The following KCNIP4 variants were observed in gnomAD, a reference collection of about 807,000 sequenced individuals.
KCNIP4 encodes potassium voltage-gated channel interacting protein 4.
A neutral mutation model predicts 34.0 loss-of-function variants in KCNIP4; 12 were observed. The ratio of observed to expected loss-of-function variants is 0.35; its 90% CI spans 0.23 to 0.57. The LOEUF (loss-of-function observed/expected upper bound fraction) is 0.57, where lower values mean the gene tolerates loss of function less well. KCNIP4 is among the 20% of genes least tolerant of loss of function. The pLI is 0.83. For missense variants in KCNIP4, 238 were observed against 311.7 expected (o/e 0.76, Z 1.78); for synonymous variants, 124 against 102.2 (o/e 1.21, Z -1.29).
At chr4:21,136,697 A>T (rs1751524425) in intron 1 of KCNIP4, among the ~76,000 whole-genome samples, 1 of 152,064 alleles carries the variant, frequency 6.6e-6, no homozygotes. Context: ...GTCCAAGCAA[A>T]CTCATCAAGT....
chr4:21,216,370 T>C (rs1757577787), intron 1 of KCNIP4, among the ~76,000 whole-genome samples: 1 of 152,232 alleles, frequency 6.6e-6, no homozygotes, highest in East Asian at 1.9e-4. Context: ...CGTAGTTTAA[T>C]TCAATATTTC....
intron 3 of KCNIP4, among the ~76,000 whole-genome samples, chr4:20,796,123 G>A (rs760054946): frequency 2.0e-5 from 3 of 152,082 alleles, no homozygotes; most frequent in Non-Finnish European, 2.9e-5. Flanking sequence ...TGTGTCGGAT[G>A]TTTTCTTCTT....
chr4:21,033,100 G>C (rs372174597), intron 1 of KCNIP4, among the ~76,000 whole-genome samples: 1 of 152,028 alleles, frequency 6.6e-6, no homozygotes, highest in Non-Finnish European at 1.5e-5. Context: ...ATGAATGAAT[G>C]AATAAATAAA....
intron 1 of KCNIP4, among the ~76,000 whole-genome samples, chr4:21,309,157 A>C (rs540220633): frequency 1.1e-4 from 17 of 152,292 alleles, no homozygotes; most frequent in Non-Finnish European, 1.6e-4. Flanking sequence ...GCAGGGAACA[A>C]AGGGATTTTG....
chr4:20,864,628 C>T (rs1251890173), intron 2 of KCNIP4, among the ~76,000 whole-genome samples: 2 of 151,998 alleles, frequency 1.3e-5, no homozygotes, highest in Non-Finnish European at 2.9e-5. Context: ...TGATGCCCCA[C>T]TTATCTAGAA....
chr4:20,930,282 G>T (rs1044078990), intron 1 of KCNIP4, among the ~76,000 whole-genome samples: 2 of 152,146 alleles, frequency 1.3e-5, no homozygotes, highest in South Asian at 2.1e-4. Context: ...TTCAATAAAT[G>T]ATTCTGGGAA....
intron 1 of KCNIP4, among the ~76,000 whole-genome samples, chr4:21,428,191 G>A (rs892250625): frequency 6.6e-6 from 1 of 152,106 alleles, no homozygotes; most frequent in East Asian, 1.9e-4. Flanking sequence ...ATTATTACAG[G>A]CATAGTGCTG....
At chr4:21,452,813 T>G (rs1352398000) in intron 1 of KCNIP4, among the ~76,000 whole-genome samples, 1 of 149,302 alleles carries the variant, frequency 6.7e-6, no homozygotes, top group African/African-American at 2.4e-5. Flanking sequence ...AAAAAAGAAG[T>G]CCTTTTTGAA....
intron 1 of KCNIP4, among the ~76,000 whole-genome samples, chr4:21,158,307 C>T (rs192073513): frequency 6.6e-6 from 1 of 152,118 alleles, no homozygotes; most frequent in East Asian, 1.9e-4. Context: ...ATTCTATGAG[C>T]CAGCATTACC....
rs779855024 is a variant in KCNIP4, at chr4:20,749,719, A to G, written c.372T>C (p.Tyr124=). The change falls in exon 5 of 9, where the codon TAT becomes TAC. Residue 124 remains tyrosine (Y), a synonymous_variant. Coordinates refer to ENST00000382152, the MANE Select transcript of KCNIP4 (RefSeq NM_025221.6). ...CAAATGCATTGAACAGAAAATGTGC[A>G]TATGTTGTAGAGTCTGAAATGGTAA... ...QFFPQGDSTT[Y]AHFLFNAFDT... is the part of the protein sequence containing the mutation. 12 of 1,608,282 alleles carry G rather than the reference A, an allele frequency of 7.5e-6. No individual in the cohort carries two copies. In the Admixed American group the frequency reaches 1.2e-4, roughly 16 times the overall value.
intron 1 of KCNIP4, among the ~76,000 whole-genome samples, chr4:21,862,400 A>G (rs934013746): frequency 1.3e-5 from 2 of 152,204 alleles, no homozygotes; most frequent in African/African-American, 4.8e-5. Flanking sequence ...TCTCTGTTCT[A>G]AGGGAGCTTA....
chr4:21,629,642 C>A (rs1353455449), intron 1 of KCNIP4, among the ~76,000 whole-genome samples: 5 of 152,110 alleles, frequency 3.3e-5, no homozygotes, highest in Non-Finnish European at 7.4e-5. Flanking sequence ...ATGTCACCAT[C>A]ACGAAGCTAA....
At chr4:21,151,629 A>T (rs1233670527) in intron 1 of KCNIP4, among the ~76,000 whole-genome samples, 1 of 151,874 alleles carries the variant, frequency 6.6e-6, no homozygotes, top group African/African-American at 2.4e-5. Context: ...TCTAAAACAA[A>T]TTATCTCCCA....
intron 1 of KCNIP4, among the ~76,000 whole-genome samples, chr4:21,129,106 G>A (rs1355991559): frequency 3.9e-5 from 6 of 152,132 alleles, no homozygotes; most frequent in South Asian, 2.1e-4. Flanking sequence ...TACTGTTCTC[G>A]TGGTAGTGAA....
chr4:21,404,531 T>TAC (rs201131062), intron 1 of KCNIP4, among the ~76,000 whole-genome samples: 1 of 151,960 alleles, frequency 6.6e-6, no homozygotes, highest in Non-Finnish European at 1.5e-5. Flanking sequence ...ATTCCAAACT[T>TAC]ACACACACAC....
At chr4:21,686,940 C>G (rs1030237414) in intron 1 of KCNIP4, among the ~76,000 whole-genome samples, 29 of 149,118 alleles carry the variant, frequency 1.9e-4, no homozygotes, top group African/African-American at 6.4e-4. Flanking sequence ...CAATGATAGA[C>G]TGGATTAAGA....
At chr4:21,119,566 CAT>C (rs1431631122) in intron 1 of KCNIP4, among the ~76,000 whole-genome samples, 1 of 151,548 alleles carries the variant, frequency 6.6e-6, no homozygotes, top group Non-Finnish European at 1.5e-5. Context: ...CGTAACCAAA[CAT>C]AGAGAGAAAC....
intron 1 of KCNIP4, among the ~76,000 whole-genome samples, chr4:21,546,692 T>C (rs1430524709): frequency 2.0e-5 from 3 of 152,172 alleles, no homozygotes; most frequent in Non-Finnish European, 4.4e-5. Flanking sequence ...AAGTTGTTTA[T>C]GTTGTGGAAT....
In KCNIP4 at chr4:21,049,010, G is replaced by A. The variant is rs1742688607; in HGVS notation, c.62-166301C>T. Among the ~76,000 whole-genome samples, 4 of 146,042 alleles carry A rather than the reference G, an allele frequency of 2.7e-5. No individual in the cohort carries two copies. The South Asian group carries it at 8.9e-4, about 32-fold the overall frequency. ...CTGTCGCCCAGGCTGGAGTGCAGTGGCGCGATCTCGGCTCACTGCAAGCTC... is the reference window on the plus strand; with the variant it reads ...CTGTCGCCCAGGCTGGAGTGCAGTGACGCGATCTCGGCTCACTGCAAGCTC... On this transcript the variant is annotated intron_variant, in intron 1 of 8. Transcript: ENST00000382152.
Sources: allele counts gnomAD v4.1 joint callset (sites outside exome capture counted in the v4.1 genomes callset), GRCh38; gene constraint gnomAD v4.1.1; transcripts MANE v1.5; gene names NCBI Gene and HGNC (gene_info 2026-07-23, HGNC 2026-07-21).